The following SORCS2 variants were observed in gnomAD, a reference collection of about 807,000 sequenced individuals.
SORCS2 encodes the protein VPS10 domain-containing receptor SorCS2.
A neutral mutation model predicts 141.6 loss-of-function variants in SORCS2; 100 were observed. That is an observed-to-expected ratio of 0.71 (90% CI 0.60 to 0.83). The LOEUF (loss-of-function observed/expected upper bound fraction) is 0.83. SORCS2 is among the 40% of genes least tolerant of loss of function. The pLI is 0.00. For synonymous variants in SORCS2, 789 were observed against 676.9 expected (o/e 1.17, Z -2.57); for missense variants, 1,646 against 1,560.2 (o/e 1.05, Z -0.93).
rs754152266 is a variant in SORCS2, at chr4:7,723,697, G to A, written c.2425G>A (p.Gly809Ser). The A allele has an allele frequency of 4.3e-6, 7 of 1,613,764 alleles. No homozygotes were observed. In the African/African-American group the frequency reaches 6.7e-5, roughly 15 times the overall value. Residue 809 changes from glycine to serine, a missense_variant and splice_region_variant, in exon 19 of 27, where the codon GGT becomes AGT. Gly to Ser is a moderately conservative substitution (Grantham distance 56). Coordinates refer to ENST00000507866, the MANE Select transcript of SORCS2 (RefSeq NM_020777.3). The stretch of plus-strand genomic sequence containing the variant: ...GTGGCCACATGGTGTTTCTCTGCAG[G>A]GTGATGTCCTGACTACCAAGTACCA... ...DVLFVVRQEQ[G>S]DVLTTKYQVD...
chr4:7,595,917 C>A (rs993333320), intron 3 of SORCS2, among the ~76,000 whole-genome samples: 3 of 152,232 alleles, frequency 2.0e-5, no homozygotes, highest in African/African-American at 7.2e-5. Flanking sequence ...GGTCTGGGGT[C>A]TGCAGTCCCC....
At position 7,725,292 on chromosome 4, in the gene SORCS2, G is replaced by A. The variant is rs34169255; in HGVS notation, c.2745+5G>A. The A allele has an allele frequency of 3.3e-4, 536 of 1,610,964 alleles. No individual in the cohort carries two copies. Among genetic ancestry groups the A allele is most frequent in the Non-Finnish European group, 4.1e-4 (486 of 1,178,654 alleles). ...TGGATCGGCCACAGCCTGCAGGTGC[G>A]CTGGCTTTGCCCCAACTCAGCCCTT... On this transcript the variant is annotated splice_donor_5th_base_variant and intron_variant, in intron 20 of 26. Coordinates refer to ENST00000507866, the MANE Select transcript of SORCS2 (RefSeq NM_020777.3).
chr4:7,414,332 C>A (rs1342492640), intron 2 of SORCS2, among the ~76,000 whole-genome samples: 1 of 151,998 alleles, frequency 6.6e-6, no homozygotes, highest in Non-Finnish European at 1.5e-5. Context: ...GATAGGTTCC[C>A]CTAGGAGGGA....
intron 1 of SORCS2, among the ~76,000 whole-genome samples, chr4:7,223,093 G>A (rs1173190087): frequency 6.6e-6 from 1 of 152,002 alleles, no homozygotes; most frequent in Non-Finnish European, 1.5e-5. Flanking sequence ...ACAACCAACT[G>A]AGCAACAAAA....
intron 10 of SORCS2, among the ~76,000 whole-genome samples, chr4:7,688,151 G>T (rs1427131369): frequency 6.6e-6 from 1 of 152,206 alleles, no homozygotes; most frequent in Admixed American, 6.5e-5. Flanking sequence ...CCAGAAGAAA[G>T]TGTTATAAAG....
chr4:7,439,180 G>C (rs1276344041), intron 2 of SORCS2, among the ~76,000 whole-genome samples: 1 of 132,086 alleles, frequency 7.6e-6, no homozygotes. Context: ...GAAGGAAGGA[G>C]TTTGTATATA....
intron 1 of SORCS2, among the ~76,000 whole-genome samples, chr4:7,264,749 C>T (rs1317078986): frequency 2.0e-5 from 3 of 152,222 alleles, no homozygotes; most frequent in Admixed American, 2.0e-4. Flanking sequence ...TGGGTCTGCT[C>T]TCTGCAGTCC....
rs777355932 is a variant in SORCS2, at chr4:7,726,907, A to G, written c.2869+4A>G. On this transcript the variant is annotated splice_donor_region_variant and intron_variant, in intron 21 of 26. Transcript: ENST00000507866. ...TCCAGGGTCCTCCGTGTGCTGGGTA[A>G]GTACTTCCTGGGGTCTGGCAGCACG... 5 of 1,611,506 alleles carry G rather than the reference A, an allele frequency of 3.1e-6. No individual in the cohort carries two copies. In the South Asian group the frequency reaches 4.4e-5, roughly 14 times the overall value.
At chr4:7,737,442 G>A (rs975509601) in intron 26 of SORCS2, among the ~76,000 whole-genome samples, 120 of 152,186 alleles carry the variant, frequency 7.9e-4, no homozygotes, top group Admixed American at 7.7e-3. Context: ...AAAAGCCCCC[G>A]ACAGCCCCAT....
chr4:7,381,541 G>C (rs892379038), intron 1 of SORCS2, among the ~76,000 whole-genome samples: 1 of 152,214 alleles, frequency 6.6e-6, no homozygotes, highest in African/African-American at 2.4e-5. Flanking sequence ...GCTGTCCCCC[G>C]TGAGTGTGGT....
At chr4:7,351,792 C>T (rs565704845) in intron 1 of SORCS2, among the ~76,000 whole-genome samples, 1 of 151,948 alleles carries the variant, frequency 6.6e-6, no homozygotes, top group Non-Finnish European at 1.5e-5. Flanking sequence ...ATCATCCATC[C>T]ATCTATCCAT....
Position 7,718,100 on chromosome 4 carries a change from C to G in SORCS2, c.2341C>G (p.Arg781Gly). Residue 781 changes from arginine to glycine, a missense_variant, in exon 18 of 27, where the codon CGG (arginine) becomes GGG (glycine). Coordinates refer to ENST00000507866, the MANE Select transcript of SORCS2 (RefSeq NM_020777.3). ...VQLQCPLTPP[R>G]GLQVSIQGEA... ...GCTGCAGTGCCCCCTCACGCCGCCC[C>G]GGGGCCTGCAGGTCAGCATTCAAGG... 6.2e-7 allele frequency: 1 copy of G among 1,611,704 alleles called. No individual in the cohort carries two copies. Among genetic ancestry groups the G allele is most frequent in the Non-Finnish European group, 8.5e-7 (1 of 1,179,090 alleles).
At chr4:7,537,765 T>C (rs557425371) in intron 3 of SORCS2, among the ~76,000 whole-genome samples, 1 of 152,184 alleles carries the variant, frequency 6.6e-6, no homozygotes, top group African/African-American at 2.4e-5. Flanking sequence ...CCCAGCACTT[T>C]GGGAGCAGAG....
At chr4:7,579,607 G>C (rs1560401501) in intron 3 of SORCS2, among the ~76,000 whole-genome samples, 1 of 152,144 alleles carries the variant, frequency 6.6e-6, no homozygotes, top group Non-Finnish European at 1.5e-5. Context: ...TGAAGCCTCA[G>C]GGCCAGTAAG....
At chr4:7,460,289 G>A (rs1473099505) in intron 2 of SORCS2, among the ~76,000 whole-genome samples, 3 of 152,222 alleles carry the variant, frequency 2.0e-5, no homozygotes, top group South Asian at 2.1e-4. Context: ...CATGGTCCCC[G>A]ATGCTGCCAT....
intron 4 of SORCS2, among the ~76,000 whole-genome samples, chr4:7,645,409 T>A (rs1721007160): frequency 6.6e-6 from 1 of 152,216 alleles, no homozygotes; most frequent in Non-Finnish European, 1.5e-5. Context: ...TTCAGTTCTT[T>A]CATTTGTCAA....
intron 3 of SORCS2, among the ~76,000 whole-genome samples, chr4:7,597,548 G>A (rs1422684079): frequency 6.6e-6 from 1 of 150,744 alleles, no homozygotes; most frequent in African/African-American, 2.4e-5. Context: ...TATTGCAATA[G>A]GGAAGGAGCT....
intron 2 of SORCS2, among the ~76,000 whole-genome samples, chr4:7,414,588 A>G (rs1176147064): frequency 6.6e-6 from 1 of 152,188 alleles, no homozygotes; most frequent in Admixed American, 6.5e-5. Flanking sequence ...TAACTTTTAT[A>G]CCTAGGTTTA....
intron 3 of SORCS2, among the ~76,000 whole-genome samples, chr4:7,541,789 C>G (rs1184492838): frequency 1.3e-5 from 2 of 152,236 alleles, no homozygotes; most frequent in East Asian, 1.9e-4. Flanking sequence ...CTTAAACATG[C>G]AGCACACGGG....
Sources: allele counts gnomAD v4.1 joint callset (sites outside exome capture counted in the v4.1 genomes callset), GRCh38; gene constraint gnomAD v4.1.1; transcripts MANE v1.5; gene names NCBI Gene and HGNC (gene_info 2026-07-23, HGNC 2026-07-21).